LAMA2: variants seen among roughly 807,000 people sequenced by gnomAD.
LAMA2 encodes the protein laminin subunit alpha-2.
A neutral mutation model predicts 364.8 loss-of-function variants in LAMA2; 269 were observed. That is an observed-to-expected ratio of 0.74 (90% CI 0.67 to 0.82). The LOEUF is 0.82. Among genes scored for constraint, LAMA2 ranks in the 40% least tolerant of loss-of-function variants. The probability of loss-of-function intolerance (pLI) is 0.00; values close to 1 mark genes in which losing one functional copy is unlikely to be tolerated. For synonymous variants in LAMA2, 1,379 were observed against 1,370.6 expected (o/e 1.01, Z -0.14); for missense variants, 3,807 against 3,873.2 (o/e 0.98, Z 0.45).
intron 1 of LAMA2, among the ~76,000 whole-genome samples, chr6:128,987,915 A>G (rs4897287): frequency 0.95 from 144,591 of 152,200 alleles, 68,779 homozygotes; most frequent in East Asian, 0.97. Flanking sequence ...TCCCTCTGTC[A>G]CCAGGCTGGA....
chr6:129,270,755 A>C lies in LAMA2; in HGVS notation c.2450+4A>C. 5 of 1,613,092 alleles carry C rather than the reference A, an allele frequency of 3.1e-6. No homozygotes were observed. Among genetic ancestry groups the C allele is most frequent in the Non-Finnish European group, 4.2e-6 (5 of 1,179,360 alleles). On this transcript the variant is annotated splice_donor_region_variant and intron_variant, in intron 17 of 64. Coordinates refer to ENST00000421865, the MANE Select transcript of LAMA2 (RefSeq NM_000426.4). ...CACTCAATATCCCATCCAATAAGTAAGTAACAAACTTACCCCATGAATAAG... is the reference window on the plus strand; with the variant it reads ...CACTCAATATCCCATCCAATAAGTACGTAACAAACTTACCCCATGAATAAG...
intron 29 of LAMA2, among the ~76,000 whole-genome samples, chr6:129,330,588 T>C (rs1362369542): frequency 2.0e-5 from 2 of 100,744 alleles, no homozygotes; most frequent in African/African-American, 3.8e-5. Flanking sequence ...TTTGTTGTTG[T>C]TTGGTTTTTG....
chr6:129,115,879 A>T (rs1776447376), intron 4 of LAMA2, among the ~76,000 whole-genome samples: 1 of 152,192 alleles, frequency 6.6e-6, no homozygotes, highest in Admixed American at 6.6e-5. Context: ...ACTAAGGTGC[A>T]GATGTAATAA....
intron 1 of LAMA2, among the ~76,000 whole-genome samples, chr6:128,893,207 C>T (rs946934463): frequency 5.3e-5 from 8 of 151,660 alleles, no homozygotes; most frequent in African/African-American, 9.7e-5. Context: ...ATGTAATGTT[C>T]GAATCTATTT....
Position 129,097,879 on chromosome 6 carries a change from G to T in LAMA2, c.397-294G>T, listed in dbSNP as rs116920091. On this transcript the variant is annotated intron_variant, in intron 3 of 64. Transcript: ENST00000421865. ...GTACTATTAATAAATGTTTTAGGTG[G>T]TAATAATTATAATGGAACTTTAAAC... 8.5e-4 allele frequency among the ~76,000 whole-genome samples: 130 copies of T among 152,230 alleles called. 1 individual carries two copies. The highest frequency in any genetic ancestry group is 1.6e-3 in the Non-Finnish European group (109 of 68,004).
chr6:128,990,710 GT>G (rs1783556554), intron 1 of LAMA2, among the ~76,000 whole-genome samples: 3 of 152,114 alleles, frequency 2.0e-5, no homozygotes, highest in Non-Finnish European at 2.9e-5. Context: ...TAATTAGGGA[GT>G]TTATTGTTTA....
intron 1 of LAMA2, among the ~76,000 whole-genome samples, chr6:128,891,049 A>G (rs1195004695): frequency 6.6e-6 from 1 of 152,116 alleles, no homozygotes; most frequent in African/African-American, 2.4e-5. Flanking sequence ...GTGCACATGT[A>G]CCATTTACAG....
intron 34 of LAMA2, among the ~76,000 whole-genome samples, chr6:129,371,344 A>T (rs1245664810): frequency 6.6e-6 from 1 of 152,148 alleles, no homozygotes; most frequent in Non-Finnish European, 1.5e-5. Flanking sequence ...ATAATAAAAC[A>T]TGAAATAAAA....
Position 129,330,598 on chromosome 6 carries a change from G to GTTT in LAMA2, c.4311+2201_4311+2203dup, listed in dbSNP as rs1554273762. On this transcript the variant is annotated intron_variant, in intron 29 of 64. Transcript: ENST00000421865. ...GTTTTTTTGTTGTTGTTTGGTTTTTGTTTTTTTTTTTTTTTTTCCCACTGT... is the reference window on the plus strand; with the variant it reads ...GTTTTTTTGTTGTTGTTTGGTTTTTGTTTTTTTTTTTTTTTTTTTTCCCACTGT... 8.5e-3 allele frequency among the ~76,000 whole-genome samples: 749 copies of GTTT among 88,630 alleles called. 14 individuals are homozygous for GTTT. Among genetic ancestry groups the GTTT allele is most frequent in the African/African-American group, 0.017 (421 of 25,488 alleles). The allele number at this position is 88,630 out of a possible 152,430, so 58.1% of individuals were successfully genotyped here. A position where few individuals can be genotyped will look rare whatever the true frequency, so the allele number is the denominator to read the frequency against.
chr6:129,509,239 A>G (rs1189719374), intron 62 of LAMA2, among the ~76,000 whole-genome samples: 1 of 152,092 alleles, frequency 6.6e-6, no homozygotes, highest in East Asian at 1.9e-4. Flanking sequence ...AATTCCTTTT[A>G]TATTCTGGTT....
intron 1 of LAMA2, among the ~76,000 whole-genome samples, chr6:129,048,449 TTTCTTTCTTTCTTTC>T (rs1330244545): frequency 1.0e-3 from 47 of 45,144 alleles, no homozygotes; most frequent in South Asian, 4.9e-3. Flanking sequence ...CTTTTCTTTC[TTTCTTTCTTTCTTTC>T]TTTCTTTCTT....
At chr6:129,435,926 A>G (rs979650912) in intron 41 of LAMA2, among the ~76,000 whole-genome samples, 11 of 152,014 alleles carry the variant, frequency 7.2e-5, no homozygotes, top group Admixed American at 3.9e-4. Context: ...CACATGCACA[A>G]CCTCTGAGAG....
chr6:129,233,303 A>C (rs1216578588), intron 12 of LAMA2, among the ~76,000 whole-genome samples: 1 of 152,166 alleles, frequency 6.6e-6, no homozygotes, highest in Non-Finnish European at 1.5e-5. Flanking sequence ...TGACCCTTGC[A>C]CAATGCAGGG....
At chr6:129,177,188 T>C (rs1255122958) in intron 9 of LAMA2, among the ~76,000 whole-genome samples, 1 of 152,230 alleles carries the variant, frequency 6.6e-6, no homozygotes, top group Non-Finnish European at 1.5e-5. Context: ...AAAATATCAA[T>C]TCCAATGAAC....
At chr6:129,443,192 C>A in intron 44 of LAMA2, 124 bp downstream of exon 44, 1 of 657,900 alleles carries the variant, frequency 1.5e-6, no homozygotes, top group Non-Finnish European at 2.7e-6. Flanking sequence ...GCTATTCTTT[C>A]CACTGTTACA....
chr6:129,226,469 C>G (rs1018354882), intron 12 of LAMA2, among the ~76,000 whole-genome samples: 18 of 152,278 alleles, frequency 1.2e-4, no homozygotes, highest in African/African-American at 4.1e-4. Flanking sequence ...GTGGCTGGTA[C>G]TGGTTGTTCC....
intron 1 of LAMA2, among the ~76,000 whole-genome samples, chr6:128,885,142 C>A (rs1582598262): frequency 6.6e-6 from 1 of 152,280 alleles, no homozygotes; most frequent in Non-Finnish European, 1.5e-5. Flanking sequence ...ATACAATCTA[C>A]TATAGGCTGC....
At chr6:129,149,628 A>T (rs1486912404) in intron 7 of LAMA2, among the ~76,000 whole-genome samples, 2 of 152,160 alleles carry the variant, frequency 1.3e-5, no homozygotes, top group Non-Finnish European at 2.9e-5. Flanking sequence ...GGTCTTTAAA[A>T]CTATTGAATC....
At chr6:128,918,607 C>T (rs1422706838) in intron 1 of LAMA2, among the ~76,000 whole-genome samples, 1 of 152,182 alleles carries the variant, frequency 6.6e-6, no homozygotes, top group Non-Finnish European at 1.5e-5. Flanking sequence ...TCTTCCTCAT[C>T]TTCATTGTCT....
Sources: gnomAD v4.1 joint callset for allele counts (sites outside exome capture counted in the v4.1 genomes callset) on GRCh38, gnomAD v4.1.1 for gene constraint, MANE v1.5 for transcripts, NCBI Gene and HGNC (gene_info 2026-07-23, HGNC 2026-07-21) for gene names.